The following GRID2 variants were observed in gnomAD, a reference collection of about 807,000 sequenced individuals.
GRID2 encodes the protein glutamate receptor ionotropic, delta-2.
GRID2 carries 33 observed loss-of-function variants against 114.8 expected under a neutral mutation model. The observed-to-expected ratio is 0.29, with a 90% confidence interval of 0.22 to 0.38. The LOEUF (loss-of-function observed/expected upper bound fraction) is 0.38. Among genes scored for constraint, GRID2 ranks in the 10% least tolerant of loss-of-function variants. The pLI is 1.00. For synonymous variants in GRID2, 505 were observed against 449.9 expected, an observed-to-expected ratio of 1.12 and a Z score of -1.55; for missense variants, 1,184 against 1,257.7, an observed-to-expected ratio of 0.94 and a Z score of 0.89.
chr4:93,589,829 T>C (rs1446335206), intron 13 of GRID2, among the ~76,000 whole-genome samples: 4 of 151,988 alleles, frequency 2.6e-5, no homozygotes, highest in Non-Finnish European at 5.9e-5. Context: ...TTTCATGTGT[T>C]TTTTGGCTGC....
chr4:92,861,812 A>G (rs1744553354), intron 2 of GRID2, among the ~76,000 whole-genome samples: 2 of 151,934 alleles, frequency 1.3e-5, no homozygotes, highest in Non-Finnish European at 2.9e-5. Flanking sequence ...TTTTAGCTCC[A>G]ATTTTACCTT....
intron 1 of GRID2, among the ~76,000 whole-genome samples, chr4:92,377,533 C>T (rs1195183255): frequency 2.0e-5 from 3 of 152,310 alleles, no homozygotes; most frequent in African/African-American, 7.2e-5. Flanking sequence ...AAACTTGCTT[C>T]CACATTGTCA....
chr4:92,657,507 G>A (rs1486028761), intron 2 of GRID2, among the ~76,000 whole-genome samples: 2 of 150,228 alleles, frequency 1.3e-5, no homozygotes, highest in Non-Finnish European at 3.0e-5. Flanking sequence ...TGTATTTTTG[G>A]TTCACATGGA....
At chr4:92,561,471 A>G (rs1230094065) in intron 1 of GRID2, among the ~76,000 whole-genome samples, 1 of 152,154 alleles carries the variant, frequency 6.6e-6, no homozygotes, top group African/African-American at 2.4e-5. Flanking sequence ...AGGTATTCCA[A>G]AATATGCTTC....
At chr4:93,007,565 T>A (rs1199828102) in intron 2 of GRID2, among the ~76,000 whole-genome samples, 2 of 152,160 alleles carry the variant, frequency 1.3e-5, no homozygotes, top group Non-Finnish European at 2.9e-5. Context: ...TTGTGAATAC[T>A]ATACTCACAA....
intron 2 of GRID2, among the ~76,000 whole-genome samples, chr4:93,060,822 G>C (rs1424430108): frequency 6.6e-6 from 1 of 152,098 alleles, no homozygotes; most frequent in South Asian, 2.1e-4. Context: ...GCTATTAAAG[G>C]CTGGGTGTGG....
intron 1 of GRID2, among the ~76,000 whole-genome samples, chr4:92,447,626 A>T (rs1733540486): frequency 6.6e-6 from 1 of 152,256 alleles, no homozygotes; most frequent in Admixed American, 6.5e-5. Context: ...GCTTATAAAC[A>T]ACAGAAATTT....
intron 9 of GRID2, among the ~76,000 whole-genome samples, chr4:93,413,447 G>A (rs1287055496): frequency 6.6e-6 from 1 of 151,970 alleles, no homozygotes; most frequent in Non-Finnish European, 1.5e-5. Context: ...ATGGGGTTGA[G>A]GCTTTCACTT....
intron 11 of GRID2, among the ~76,000 whole-genome samples, chr4:93,471,242 A>G (rs1407849966): frequency 6.6e-6 from 1 of 152,166 alleles, no homozygotes; most frequent in East Asian, 1.9e-4. Flanking sequence ...ATATTTTGAT[A>G]ATTTCCTCTG....
chr4:92,342,218 T>A (rs1368003401), intron 1 of GRID2, among the ~76,000 whole-genome samples: 2 of 152,140 alleles, frequency 1.3e-5, no homozygotes, highest in African/African-American at 4.8e-5. Context: ...CACATATGTA[T>A]GTATATGTCA....
chr4:92,897,215 G>C (rs932451731), intron 2 of GRID2, among the ~76,000 whole-genome samples: 5 of 139,238 alleles, frequency 3.6e-5, no homozygotes, highest in African/African-American at 1.5e-4. Context: ...CAATGGTGCT[G>C]AATCAACAGT....
chr4:93,432,238 T>G (rs943596219), intron 10 of GRID2, among the ~76,000 whole-genome samples: 1 of 152,192 alleles, frequency 6.6e-6, no homozygotes, highest in African/African-American at 2.4e-5. Flanking sequence ...CAGTGTGACT[T>G]TCTTCAGCTG....
intron 2 of GRID2, among the ~76,000 whole-genome samples, chr4:92,921,914 C>T (rs1749376959): frequency 6.6e-6 from 1 of 152,198 alleles, no homozygotes; most frequent in Admixed American, 6.5e-5. Flanking sequence ...TTTTCTGCTG[C>T]CTTTTGTATG....
intron 4 of GRID2, among the ~76,000 whole-genome samples, chr4:93,187,813 A>T (rs1285302550): frequency 6.6e-6 from 1 of 152,210 alleles, no homozygotes; most frequent in Non-Finnish European, 1.5e-5. Flanking sequence ...AAGGAAAAAA[A>T]GTGGTAACTT....
chr4:92,751,317 GTAAA>G (rs1325552617), intron 2 of GRID2, among the ~76,000 whole-genome samples: 3 of 152,018 alleles, frequency 2.0e-5, no homozygotes, highest in East Asian at 1.9e-4. Flanking sequence ...GAGAAAACTA[GTAAA>G]TAAATAAAAA....
intron 2 of GRID2, among the ~76,000 whole-genome samples, chr4:93,081,433 G>A (rs1283718566): frequency 6.6e-6 from 1 of 152,080 alleles, no homozygotes; most frequent in Admixed American, 6.6e-5. Flanking sequence ...AGCTTAAATG[G>A]ATACATTTAT....
chr4:93,533,537 C>CTTTTTTTTTTT (rs34014956), intron 13 of GRID2, among the ~76,000 whole-genome samples: 17 of 86,510 alleles, frequency 2.0e-4, no homozygotes, highest in Admixed American at 5.7e-4. Flanking sequence ...CCACACCCAG[C>CTTTTTTTTTTT]TTTTTTTTTT....
At chr4:93,626,509 T>C in intron 14 of GRID2, 74 bp downstream of exon 14, 1 of 960,196 alleles carries the variant, frequency 1.0e-6, no homozygotes, top group Non-Finnish European at 1.6e-6. Context: ...TTACCAGATC[T>C]GGTTTATTAC....
At chr4:92,892,780 G>A (rs1289493088) in intron 2 of GRID2, among the ~76,000 whole-genome samples, 3 of 152,072 alleles carry the variant, frequency 2.0e-5, no homozygotes, top group Admixed American at 2.0e-4. Context: ...AATAGTATGT[G>A]GTCTTGCCAA....
Sources: allele counts gnomAD v4.1 joint callset (sites outside exome capture counted in the v4.1 genomes callset), GRCh38; gene constraint gnomAD v4.1.1; transcripts MANE v1.5; gene names NCBI Gene and HGNC (gene_info 2026-07-23, HGNC 2026-07-21).